The following HS6ST3 variants were observed in gnomAD, a reference collection of about 807,000 sequenced individuals.
HS6ST3 encodes heparan sulfate 6-O-sulfotransferase 3.
In HS6ST3, 12 loss-of-function variants were observed where a neutral mutation model predicts 36.7. The ratio of observed to expected loss-of-function variants is 0.33; its 90% CI spans 0.21 to 0.53. HS6ST3 has a LOEUF of 0.53. Among genes scored for constraint, HS6ST3 ranks in the 20% least tolerant of loss-of-function variants. HS6ST3 has a pLI of 0.95. For missense variants in HS6ST3, 584 were observed against 640.9 expected (o/e 0.91, Z 0.96); for synonymous variants, 240 against 257.5 (o/e 0.93, Z 0.65).
At chr13:96,122,344 A>G (rs2139306918) in intron 1 of HS6ST3, among the ~76,000 whole-genome samples, 1 of 152,104 alleles carries the variant, frequency 6.6e-6, no homozygotes, top group East Asian at 1.9e-4. Flanking sequence ...GACAACATAC[A>G]AAGACATGTT....
At chr13:96,728,323 A>G (rs1045695319) in intron 1 of HS6ST3, among the ~76,000 whole-genome samples, 1 of 152,218 alleles carries the variant, frequency 6.6e-6, no homozygotes, top group African/African-American at 2.4e-5. Flanking sequence ...CACCTAACTT[A>G]TGTTAGACTC....
At chr13:96,215,929 T>C (rs536376664) in intron 1 of HS6ST3, among the ~76,000 whole-genome samples, 8 of 152,300 alleles carry the variant, frequency 5.3e-5, no homozygotes, top group African/African-American at 1.7e-4. Context: ...CTCTTGACAA[T>C]TGGTAGTTGT....
intron 1 of HS6ST3, among the ~76,000 whole-genome samples, chr13:96,621,368 A>T (rs1432239948): frequency 6.6e-6 from 1 of 152,124 alleles, no homozygotes; most frequent in African/African-American, 2.4e-5. Flanking sequence ...GATGGTTTTT[A>T]AAATGGCAGT....
chr13:96,633,189 A>C (rs561918510), intron 1 of HS6ST3, among the ~76,000 whole-genome samples: 2 of 152,232 alleles, frequency 1.3e-5, no homozygotes, highest in East Asian at 3.9e-4. Flanking sequence ...TGTTCCTTGG[A>C]CTTCGGCATG....
chr13:96,744,556 G>A (rs944327116), intron 1 of HS6ST3, among the ~76,000 whole-genome samples: 2 of 152,020 alleles, frequency 1.3e-5, no homozygotes, highest in Non-Finnish European at 2.9e-5. Flanking sequence ...ATCAAGTCTG[G>A]TAAGAACCGT....
chr13:96,186,393 C>T (rs1324968421), intron 1 of HS6ST3, among the ~76,000 whole-genome samples: 2 of 152,186 alleles, frequency 1.3e-5, no homozygotes, highest in African/African-American at 4.8e-5. Context: ...ATGATTGAAT[C>T]TTTCTTTAAT....
chr13:96,492,174 A>G (rs979575427), intron 1 of HS6ST3, among the ~76,000 whole-genome samples: 3 of 152,152 alleles, frequency 2.0e-5, no homozygotes, highest in African/African-American at 7.2e-5. Flanking sequence ...AGATGCTGCC[A>G]TTTTATTGGT....
At chr13:96,554,313 T>C (rs1010803955) in intron 1 of HS6ST3, among the ~76,000 whole-genome samples, 1 of 152,206 alleles carries the variant, frequency 6.6e-6, no homozygotes, top group African/African-American at 2.4e-5. Flanking sequence ...TGCTGTATAA[T>C]AATTAAAATT....
rs144040620 is a variant in HS6ST3 at position 96,470,274 on chromosome 13, G to A, written c.708-362216G>A. ...ACTGGGGATGAATAAGTTAGGAACA[G>A]TAATTAGTTTTTAAGCATTCCCTTT... On this transcript the variant is annotated intron_variant, in intron 1 of 1. Coordinates refer to ENST00000376705, the MANE Select transcript of HS6ST3 (RefSeq NM_153456.4). Among the ~76,000 whole-genome samples, 847 of 152,268 alleles carry A rather than the reference G, an allele frequency of 5.6e-3. 5 individuals carry two copies. Among genetic ancestry groups the A allele is most frequent in the Admixed American group, 0.013 (200 of 15,286 alleles).
In HS6ST3 at chr13:96,267,662, CTG is replaced by C. The variant is rs1317484010; in HGVS notation, c.707+176095_707+176096del. 1.2e-4 allele frequency among the ~76,000 whole-genome samples: 18 copies of C among 151,924 alleles called. 1 individual carries two copies. Among genetic ancestry groups the C allele is most frequent in the Admixed American group, 9.2e-4 (14 of 15,240 alleles). On this transcript the variant is annotated intron_variant, in intron 1 of 1. Transcript: ENST00000376705. Reference sequence around the variant, plus strand: ...TTAATTTCTTTTATGCTAGTATAAACTGTTTTATAAATTTTAATGTCTGAGGC... The same window carrying C: ...TTAATTTCTTTTATGCTAGTATAAACTTTTATAAATTTTAATGTCTGAGGC...
intron 1 of HS6ST3, among the ~76,000 whole-genome samples, chr13:96,175,517 T>G (rs930791692): frequency 5.3e-5 from 8 of 152,098 alleles, no homozygotes; most frequent in African/African-American, 1.9e-4. Flanking sequence ...AAAAAAAATA[T>G]TTCTGCCTTT....
intron 1 of HS6ST3, among the ~76,000 whole-genome samples, chr13:96,663,645 C>G (rs550110339): frequency 1.1e-4 from 16 of 152,250 alleles, no homozygotes; most frequent in African/African-American, 3.6e-4. Flanking sequence ...GTTCCCACTT[C>G]TAGGAATTAA....
At chr13:96,822,152 C>T (rs546817598) in intron 1 of HS6ST3, among the ~76,000 whole-genome samples, 5 of 152,090 alleles carry the variant, frequency 3.3e-5, no homozygotes, top group African/African-American at 1.2e-4. Flanking sequence ...CTGCTTTGCC[C>T]GGCTGGGATT....
At chr13:96,120,536 C>T (rs2139305894) in intron 1 of HS6ST3, among the ~76,000 whole-genome samples, 1 of 152,260 alleles carries the variant, frequency 6.6e-6, no homozygotes, top group Middle Eastern at 3.4e-3. Context: ...TCCTATACAT[C>T]ATAGAGTTAA....
intron 1 of HS6ST3, among the ~76,000 whole-genome samples, chr13:96,501,075 A>C (rs190681517): frequency 7.2e-4 from 109 of 152,262 alleles, no homozygotes; most frequent in Non-Finnish European, 1.3e-3. Context: ...CCACCTATCT[A>C]CTGACTATAA....
chr13:96,682,805 A>G (rs1016885304), intron 1 of HS6ST3, among the ~76,000 whole-genome samples: 4 of 152,076 alleles, frequency 2.6e-5, no homozygotes, highest in African/African-American at 7.2e-5. Context: ...GATTTTTCCC[A>G]TGTCTTTTGT....
intron 1 of HS6ST3, among the ~76,000 whole-genome samples, chr13:96,528,545 A>C (rs1293253495): frequency 6.6e-6 from 1 of 152,214 alleles, no homozygotes; most frequent in Admixed American, 6.6e-5. Flanking sequence ...GTTCTGCATA[A>C]CTCAATGAAC....
intron 1 of HS6ST3, chr13:96,427,183 A>G (rs1474743650): frequency 6.5e-6 from 1 of 154,384 alleles, no homozygotes; most frequent in Non-Finnish European, 1.5e-5. Flanking sequence ...AACATGGTGC[A>G]TTGGAATTAA....
intron 1 of HS6ST3, among the ~76,000 whole-genome samples, chr13:96,665,058 A>G (rs756087910): frequency 5.3e-5 from 8 of 152,052 alleles, no homozygotes; most frequent in Admixed American, 1.3e-4. Flanking sequence ...TATAGTCCCA[A>G]CTACTCAGGA....
Sources: gnomAD v4.1 joint callset for allele counts (sites outside exome capture counted in the v4.1 genomes callset) on GRCh38, gnomAD v4.1.1 for gene constraint, MANE v1.5 for transcripts, NCBI Gene and HGNC (gene_info 2026-07-23, HGNC 2026-07-21) for gene names.